The following ALS2CL variants were observed in gnomAD, a reference collection of about 807,000 sequenced individuals.
ALS2CL encodes the protein ALS2 C-terminal-like protein.
A neutral mutation model predicts 127.9 loss-of-function variants in ALS2CL; 112 were observed. That is an observed-to-expected ratio of 0.88 (90% CI 0.75 to 1.02). The LOEUF is 1.02. Ranked by LOEUF, ALS2CL falls within the 50% of genes least tolerant of loss-of-function variation. ALS2CL has a pLI of 0.00. For missense variants in ALS2CL, 1,174 were observed against 1,236.7 expected (o/e 0.95, Z 0.76); for synonymous variants, 519 against 527.6 (o/e 0.98, Z 0.22).
chr3:46,686,375 A>C lies in ALS2CL; in HGVS notation c.599T>G (p.Met200Arg), dbSNP rs764114516. The change falls in exon 6 of 26, where the codon ATG becomes AGG. Residue 200 changes from methionine to arginine, a missense_variant. Met to Arg is a moderately conservative substitution (Grantham distance 91). Transcript: ENST00000318962. The surrounding 1 kb of genome is among the most constrained non-coding windows in gnomAD (Gnocchi z 4.3). ...CACAGCCTGGTCCAACTCCTGCTTC[A>C]TGAAGGACTGCAGGTTCCCAAAGAG... ...VTLFGNLQSF[M>R]KQELDQAVAT... 1.9e-6 allele frequency: 3 copies of C among 1,613,568 alleles called. No individual in the cohort carries two copies. The African/African-American group carries it at 4.0e-5, about 22-fold the overall frequency.
chr3:46,674,184 G>A (rs551813821), intron 21 of ALS2CL, among the ~76,000 whole-genome samples: 26 of 152,318 alleles, frequency 1.7e-4, no homozygotes, highest in Non-Finnish European at 2.4e-4. Context: ...GGTCAATCAC[G>A]GCTGGCACTC....
At chr3:46,671,229 T>A (rs1297635869) in intron 25 of ALS2CL, among the ~76,000 whole-genome samples, 165 bp from the exon 26 acceptor site, 2 of 152,088 alleles carry the variant, frequency 1.3e-5, no homozygotes, top group Non-Finnish European at 2.9e-5. Flanking sequence ...GGGCCCTTCC[T>A]CTCCCACTGT....
intron 1 of ALS2CL, among the ~76,000 whole-genome samples, chr3:46,690,794 G>T (rs773882491): frequency 4.6e-5 from 7 of 152,200 alleles, no homozygotes; most frequent in Admixed American, 4.6e-4. Flanking sequence ...ACCCAAAAGG[G>T]TGAGTGGGAA....
Position 46,687,070 on chromosome 3 carries a change from C to T in ALS2CL, c.447G>A (p.Ser149=), listed in dbSNP as rs777901252. 43 of 1,595,464 alleles carry T rather than the reference C, an allele frequency of 2.7e-5. No homozygotes were observed. In the African/African-American group the frequency reaches 5.2e-4, roughly 19 times the overall value. ...GTGGCTGGTGGAGGGCCTGGCCCAG[C>T]GATGCGCCCACCGAGCCCTCTGAGC... ...GVSSEGSVGA[S]LGQALHQPLA... is the part of the protein sequence containing the mutation. The change falls in exon 5 of 26, where the codon TCG becomes TCA. Residue 149 remains serine (S), a synonymous_variant. Coordinates refer to ENST00000318962, the MANE Select transcript of ALS2CL (RefSeq NM_147129.5).
At chr3:46,685,394 C>T in intron 7 of ALS2CL, 131 bp downstream of exon 7, 2 of 1,453,696 alleles carry the variant, frequency 1.4e-6, no homozygotes, top group Non-Finnish European at 1.9e-6. Flanking sequence ...AACACAACGC[C>T]TTTCTATCCC....
chr3:46,693,293 A>G (rs1269939676), intron 1 of ALS2CL, among the ~76,000 whole-genome samples: 1 of 152,234 alleles, frequency 6.6e-6, no homozygotes, highest in Non-Finnish European at 1.5e-5. Context: ...CCATGCGAAA[A>G]GGCCACCTCC....
chr3:46,677,629 A>G (rs1179169991), intron 16 of ALS2CL, among the ~76,000 whole-genome samples: 1 of 152,202 alleles, frequency 6.6e-6, no homozygotes, highest in Non-Finnish European at 1.5e-5. Context: ...CCCTCCCTAC[A>G]TCTGAAATGC....
Position 46,678,349 on chromosome 3 carries a change from G to C in ALS2CL, c.1667C>G (p.Ser556Trp). The C allele has an allele frequency of 6.2e-7, 1 of 1,613,276 alleles. No individual in the cohort carries two copies. The highest frequency in any genetic ancestry group is 8.5e-7 in the Non-Finnish European group (1 of 1,179,554). The change falls in exon 16 of 26, where the codon TCG (serine) becomes TGG (tryptophan). Residue 556 changes from serine to tryptophan, a missense_variant. By Grantham distance (177) the Ser-to-Trp change is radical (BLOSUM62 -3). Transcript: ENST00000318962. ...TFPNGFTLEG[S>W]FGSGAGRGLH... ...TCCTCTCCCTGCCCCACTGCCGAACGAGCCCTCCAGGGTGAAGCCATTGGG... is the reference window on the plus strand; with the variant it reads ...TCCTCTCCCTGCCCCACTGCCGAACCAGCCCTCCAGGGTGAAGCCATTGGG...
In ALS2CL at chr3:46,686,531, T is replaced by C. The variant is rs1699801219; in HGVS notation, c.535-92A>G. 2 of 1,502,162 alleles carry C rather than the reference T, an allele frequency of 1.3e-6. No homozygotes were observed. The highest frequency in any genetic ancestry group is 2.8e-5 in the African/African-American group (2 of 71,808). The allele number at this position is 1,502,162 out of a possible 1,614,324, so 93.1% of individuals were successfully genotyped here. On this transcript the variant is annotated intron_variant, in intron 5 of 25. Transcript: ENST00000318962. The surrounding 1 kb of genome is among the most constrained non-coding windows in gnomAD (Gnocchi z 4.3). ...CCCGGCTGGTGGGGAGGCCTGAATC[T>C]AGGCCAGACCTTGCCCTTCTCTCCC...
chr3:46,670,327 G>A lies in ALS2CL; in HGVS notation c.*657C>T, dbSNP rs952833229. 3 of 152,464 alleles carry A rather than the reference G, an allele frequency of 2.0e-5. No homozygotes were observed. Among genetic ancestry groups the A allele is most frequent in the African/African-American group, 7.2e-5 (3 of 41,424 alleles). The allele number at this position is 152,464 out of a possible 1,614,324, so 9.4% of individuals were successfully genotyped here. A position where few individuals can be genotyped will look rare whatever the true frequency, so the allele number is the denominator to read the frequency against. On this transcript the variant is annotated 3_prime_UTR_variant, in exon 26 of 26. Coordinates refer to ENST00000318962, the MANE Select transcript of ALS2CL (RefSeq NM_147129.5). The surrounding 1 kb of genome is among the most constrained non-coding windows in gnomAD (Gnocchi z 5.5). ...TGGTCAGGGCCCAGGCAGATGTCAT[G>A]TGCCCCTGTTGTCCCCACGCAGGCC...
chr3:46,673,207 T>A, intron 22 of ALS2CL, 132 bp downstream of exon 22: 1 of 862,374 alleles, frequency 1.2e-6, no homozygotes, highest in South Asian at 1.8e-5. Context: ...AATGACAGTG[T>A]CTCCTCCCAA....
chr3:46,686,489 C>T lies in ALS2CL; in HGVS notation c.535-50G>A, dbSNP rs761941589. 1 of 1,586,470 alleles carries T rather than the reference C, an allele frequency of 6.3e-7. No individual in the cohort carries two copies. The highest frequency in any genetic ancestry group is 2.2e-5 in the East Asian group (1 of 44,536). On this transcript the variant is annotated intron_variant, in intron 5 of 25. Coordinates refer to ENST00000318962, the MANE Select transcript of ALS2CL (RefSeq NM_147129.5). The surrounding 1 kb of genome is among the most constrained non-coding windows in gnomAD (Gnocchi z 4.3). Reference sequence around the variant, plus strand: ...GAGAGGAGAGCTTACTGGAATCTTCCCTAGCCCAGTCCTGGTCCCGGCTGG... The same window carrying T: ...GAGAGGAGAGCTTACTGGAATCTTCTCTAGCCCAGTCCTGGTCCCGGCTGG...
At position 46,683,122 on chromosome 3, in the gene ALS2CL, C is replaced by T; in HGVS notation, c.1109+8G>A. 2 of 1,551,620 alleles carry T rather than the reference C, an allele frequency of 1.3e-6. No individual in the cohort carries two copies. The highest frequency in any genetic ancestry group is 1.7e-6 in the Non-Finnish European group (2 of 1,151,402). On this transcript the variant is annotated splice_region_variant and intron_variant, in intron 10 of 25. Transcript: ENST00000318962. ...CCCACCTTGCCACCCAGAGCTCCAG[C>T]CACTCACTTGCCGTGGGGCCGGCCC... is the stretch of plus-strand genomic sequence containing the variant.
chr3:46,672,032 T>C lies in ALS2CL; in HGVS notation c.2536A>G (p.Thr846Ala). Residue 846 changes from threonine to alanine, a missense_variant and splice_region_variant, in exon 24 of 26, where the codon ACC (threonine) becomes GCC (alanine). By Grantham distance (58) the Thr-to-Ala change is moderately conservative. Transcript: ENST00000318962. ...SATECLQKIM[T>A]TVDPREKLEV... ...AGCTTCTCCCGTGGGTCCACCGTGG[T>C]CCTGCAGCAGGGTAGCTGGCTCCAG... 1 of 1,613,724 alleles carries C rather than the reference T, an allele frequency of 6.2e-7. No individual in the cohort carries two copies. The highest frequency in any genetic ancestry group is 1.1e-5 in the South Asian group (1 of 91,062).
In ALS2CL at chr3:46,674,730, C is replaced by T. The variant is rs1698673444; in HGVS notation, c.2265G>A (p.Gln755=). Residue 755 remains glutamine (Q), a synonymous_variant, in exon 21 of 26, where the codon CAG becomes CAA. Transcript: ENST00000318962. The part of the protein sequence containing the change: ...EDEDTETRDL[Q]VHGLVLPLML... Reference sequence around the variant, plus strand: ...TGAGGGGCAGCACCAATCCATGCACCTGGAGGTCCCTGATGGGGAGACCGG... The same window carrying T: ...TGAGGGGCAGCACCAATCCATGCACTTGGAGGTCCCTGATGGGGAGACCGG... 1 of 1,609,778 alleles carries T rather than the reference C, an allele frequency of 6.2e-7. No homozygotes were observed. The highest frequency in any genetic ancestry group is 1.3e-5 in the African/African-American group (1 of 74,790).
rs995738618 is a variant in ALS2CL, at chr3:46,669,497, T to C, written c.*1487A>G. 2 of 152,316 alleles carry C rather than the reference T, an allele frequency of 1.3e-5. No homozygotes were observed. Among genetic ancestry groups the C allele is most frequent in the African/African-American group, 4.8e-5 (2 of 41,466 alleles). 9.4% of individuals were successfully genotyped at this position (152,316 alleles called of 1,614,324 possible). The stretch of plus-strand genomic sequence containing the variant: ...TGCATTTGAGGCCAGGGTCAGGCTG[T>C]CCTCACTTATCAGGGGACAAGAGCT... On this transcript the variant is annotated 3_prime_UTR_variant, in exon 26 of 26. Coordinates refer to ENST00000318962, the MANE Select transcript of ALS2CL (RefSeq NM_147129.5).
chr3:46,690,165 G>A (rs573487709), intron 1 of ALS2CL, among the ~76,000 whole-genome samples: 132 of 152,338 alleles, frequency 8.7e-4, no homozygotes, highest in Admixed American at 2.9e-3. Context: ...TGCCTCAGTC[G>A]GCCGTGGACA....
At chr3:46,675,303 C>T in intron 20 of ALS2CL, 1 of 346,756 alleles carries the variant, frequency 2.9e-6, no homozygotes, top group Non-Finnish European at 5.3e-6. Flanking sequence ...CCCTCGGTTT[C>T]CCCATCTGTG....
Position 46,678,348 on chromosome 3 carries a change from C to A in ALS2CL, c.1668G>T (p.Ser556=). 6.2e-7 allele frequency: 1 copy of A among 1,613,266 alleles called. No homozygotes were observed. The highest frequency in any genetic ancestry group is 2.2e-5 in the East Asian group (1 of 44,862). ...GTCCTCTCCCTGCCCCACTGCCGAA[C>A]GAGCCCTCCAGGGTGAAGCCATTGG... ...TFPNGFTLEG[S]FGSGAGRGLH... The change falls in exon 16 of 26, where the codon TCG becomes TCT. Residue 556 remains serine (S), a synonymous_variant. Transcript: ENST00000318962.
Sources: allele counts gnomAD v4.1 joint callset (sites outside exome capture counted in the v4.1 genomes callset), GRCh38; gene constraint gnomAD v4.1.1; non-coding constraint Gnocchi (gnomAD v3.1); transcripts MANE v1.5; gene names NCBI Gene and HGNC (gene_info 2026-07-23, HGNC 2026-07-21).